The following PAK3 variants were observed in gnomAD, a reference collection of about 807,000 sequenced individuals.
PAK3 encodes serine/threonine-protein kinase PAK 3.
In PAK3, 4 loss-of-function variants were observed where a neutral mutation model predicts 41.0. That is an observed-to-expected ratio of 0.10 (90% confidence interval 0.05 to 0.22). The LOEUF (loss-of-function observed/expected upper bound fraction) is 0.22, where lower values mean the gene tolerates loss of function less well. Among genes scored for constraint, PAK3 ranks in the 10% least tolerant of loss-of-function variants. PAK3 has a pLI of 1.00. For missense variants in PAK3, 205 were observed against 409.9 expected (o/e 0.50, Z 4.32); for synonymous variants, 146 against 139.6 (o/e 1.05, Z -0.32).
At chrX:111,133,187 G>T (rs2093742779) in intron 5 of PAK3, among the ~76,000 whole-genome samples, 1 of 111,348 alleles carries the variant, frequency 9.0e-6, no homozygotes, top group South Asian at 3.8e-4. Context: ...TTCCCTTCCT[G>T]ATTTCCAAGG....
intron 1 of PAK3, among the ~76,000 whole-genome samples, chrX:111,026,130 C>A (rs1340686219): frequency 3.6e-5 from 4 of 111,531 alleles, no homozygotes; most frequent in South Asian, 3.7e-4. Flanking sequence ...AAACCCTCAG[C>A]AAATTTGCAT....
intron 1 of PAK3, among the ~76,000 whole-genome samples, chrX:110,989,511 C>T (rs1156436232): frequency 4.5e-5 from 5 of 111,344 alleles, no homozygotes; most frequent in African/African-American, 6.5e-5. Context: ...TTTTCAATGT[C>T]GGTTACCAGT....
rs1000636967 is a variant in PAK3, at chrX:111,115,017, C to T, written c.-27-8060C>T. Among the ~76,000 whole-genome samples the T allele has an allele frequency of 3.6e-4, 40 of 112,241 alleles. 2 individuals carry two copies. Among genetic ancestry groups the T allele is most frequent in the African/African-American group, 1.2e-3 (36 of 30,864 alleles). ...TGTGGTAAGGGCTGGGCCCTGTGAT[C>T]TCAGCTTGGGGGCTTCCCAGGCCCA... is the stretch of plus-strand genomic sequence containing the variant. On this transcript the variant is annotated intron_variant, in intron 4 of 17. Coordinates refer to ENST00000372007, the MANE Select transcript of PAK3 (RefSeq NM_002578.5).
At chrX:110,949,914 A>G (rs1333662957) in intron 1 of PAK3, among the ~76,000 whole-genome samples, 1 of 111,628 alleles carries the variant, frequency 9.0e-6, no homozygotes, top group East Asian at 2.8e-4. Flanking sequence ...TTTAAATGAA[A>G]TAAAAATTCT....
At chrX:111,052,135 A>G (rs2092564534) in intron 1 of PAK3, among the ~76,000 whole-genome samples, 1 of 112,277 alleles carries the variant, frequency 8.9e-6, no homozygotes, top group Non-Finnish European at 1.9e-5. Flanking sequence ...TTCAGAAACT[A>G]TAGCCATGTA....
At chrX:111,010,842 C>T (rs543722521) in intron 1 of PAK3, among the ~76,000 whole-genome samples, 40 of 111,894 alleles carry the variant, frequency 3.6e-4, no homozygotes, top group East Asian at 1.7e-3. Flanking sequence ...AATGGTCTAG[C>T]GCACTAGCCA....
intron 10 of PAK3, among the ~76,000 whole-genome samples, chrX:111,164,572 CT>C: frequency 9.0e-6 from 1 of 111,525 alleles, no homozygotes; most frequent in East Asian, 2.8e-4. Flanking sequence ...AGTCTGACTT[CT>C]TTACTAGACT....
intron 1 of PAK3, among the ~76,000 whole-genome samples, chrX:110,975,626 A>G (rs2091312563): frequency 1.8e-5 from 2 of 111,966 alleles, no homozygotes; most frequent in Non-Finnish European, 3.8e-5. Flanking sequence ...GTTCATATGG[A>G]ACCAAAAGAG....
intron 1 of PAK3, among the ~76,000 whole-genome samples, chrX:111,016,538 C>T (rs760617864): frequency 9.0e-6 from 1 of 110,942 alleles, no homozygotes; most frequent in South Asian, 3.8e-4. Context: ...CACACGTGCT[C>T]AAGTGCCAAG....
At chrX:111,057,115 G>A (rs1280798813) in intron 1 of PAK3, among the ~76,000 whole-genome samples, 1 of 110,912 alleles carries the variant, frequency 9.0e-6, no homozygotes, top group Non-Finnish European at 1.9e-5. Context: ...GAATCTGCAA[G>A]AAAAAAACAA....
intron 5 of PAK3, among the ~76,000 whole-genome samples, chrX:111,139,589 T>C (rs745997766): frequency 4.5e-5 from 5 of 112,106 alleles, no homozygotes; most frequent in Admixed American, 9.4e-5. Flanking sequence ...AGGAGCAAAC[T>C]TGGGCTTCCT....
At chrX:111,062,494 T>C (rs1051910040) in intron 1 of PAK3, among the ~76,000 whole-genome samples, 2 of 112,282 alleles carry the variant, frequency 1.8e-5, no homozygotes, top group Admixed American at 1.9e-4. Context: ...CTGGCCTCAG[T>C]TGGACTGAAC....
chrX:111,158,324 C>T (rs1274803833), intron 8 of PAK3, among the ~76,000 whole-genome samples: 2 of 111,683 alleles, frequency 1.8e-5, no homozygotes, highest in South Asian at 3.7e-4. Flanking sequence ...ACAAGTATTT[C>T]CTAAAGTAAG....
At chrX:111,054,362 C>T (rs576366431) in intron 1 of PAK3, among the ~76,000 whole-genome samples, 1 of 112,380 alleles carries the variant, frequency 8.9e-6, no homozygotes, top group Non-Finnish European at 1.9e-5. Flanking sequence ...TAAGTATGTG[C>T]TTAGAGAATA....
chrX:111,125,239 G>A (rs1002997823), intron 5 of PAK3, among the ~76,000 whole-genome samples: 3 of 111,772 alleles, frequency 2.7e-5, no homozygotes, highest in Non-Finnish European at 3.8e-5. Context: ...TGTCATTAAT[G>A]TGACCTGTGA....
At chrX:111,138,248 A>C (rs150456216) in intron 5 of PAK3, among the ~76,000 whole-genome samples, 1,298 of 110,819 alleles carry the variant, frequency 0.012, 11 homozygotes, top group Middle Eastern at 0.046. Flanking sequence ...ACTGTTGCGG[A>C]GATTAAATGA....
intron 1 of PAK3, among the ~76,000 whole-genome samples, chrX:111,058,907 G>T (rs775619340): frequency 9.0e-6 from 1 of 110,988 alleles, no homozygotes; most frequent in Non-Finnish European, 1.9e-5. Flanking sequence ...ACCATTTGTT[G>T]AAGAAACTGC....
At chrX:111,176,490 C>T (rs1288640377) in intron 11 of PAK3, among the ~76,000 whole-genome samples, 1 of 110,929 alleles carries the variant, frequency 9.0e-6, no homozygotes, top group Non-Finnish European at 1.9e-5. Context: ...TATCCCAGAA[C>T]TTAAAGTAAA....
chrX:111,180,940 T>C (rs1254448315), intron 11 of PAK3, among the ~76,000 whole-genome samples: 2 of 111,967 alleles, frequency 1.8e-5, no homozygotes, highest in South Asian at 3.7e-4. Flanking sequence ...AATTGTTATG[T>C]AAAAGGATAT....
Sources: allele counts gnomAD v4.1 joint callset (sites outside exome capture counted in the v4.1 genomes callset), GRCh38; gene constraint gnomAD v4.1.1; transcripts MANE v1.5; gene names NCBI Gene and HGNC (gene_info 2026-07-23, HGNC 2026-07-21).